Variants in CD4 observed in about 807,000 individuals in gnomAD.
The protein encoded by CD4 is T-cell surface glycoprotein CD4.
A neutral mutation model predicts 50.5 loss-of-function variants in CD4; 25 were observed. That is an observed-to-expected ratio of 0.49 (90% confidence interval 0.36 to 0.69). The LOEUF (loss-of-function observed/expected upper bound fraction) is 0.69, where lower values mean the gene tolerates loss of function less well. CD4 is among the 30% of genes least tolerant of loss of function. The pLI, the probability that CD4 is intolerant of heterozygous loss-of-function variation, is 0.00. For synonymous variants in CD4, 207 were observed against 221.9 expected (o/e 0.93, Z 0.60); for missense variants, 456 against 548.5 (o/e 0.83, Z 1.68).
intron 7 of CD4, among the ~76,000 whole-genome samples, chr12:6,817,961 G>A (rs782512420): frequency 7.3e-5 from 11 of 151,188 alleles, no homozygotes; most frequent in African/African-American, 1.9e-4. Context: ...ATCCGCACAC[G>A]CATTATTCAC....
At position 6,818,335 on chromosome 12, in the gene CD4, C is replaced by A; in HGVS notation, c.1157-86C>A. 1 of 1,540,906 alleles carries A rather than the reference C, an allele frequency of 6.5e-7. No individual in the cohort carries two copies. Among genetic ancestry groups the A allele is most frequent in the Non-Finnish European group, 8.8e-7 (1 of 1,133,918 alleles). On this transcript the variant is annotated intron_variant, in intron 7 of 9. Coordinates refer to ENST00000011653, the MANE Select transcript of CD4 (RefSeq NM_000616.5). This position sits in a 1 kb window ranked among gnomAD's most constrained non-coding sequence, Gnocchi z 5.0. ...CCCAACCCCAGGGTCAAACCAGAGA[C>A]TGGCCAGGAGGGATTGCAGGGCAGT...
In CD4 at chr12:6,816,140, A is replaced by C; in HGVS notation, c.692A>C (p.Lys231Thr). Residue 231 changes from lysine to threonine, a missense_variant, in exon 6 of 10, where the codon AAG (lysine) becomes ACG (threonine). Lys to Thr is a moderately conservative substitution (Grantham distance 78). Transcript: ENST00000011653. The surrounding 1 kb of genome is among the most constrained non-coding windows in gnomAD (Gnocchi z 4.9). ...TTCCCACTCGCCTTTACAGTTGAAA[A>C]GCTGACGGGCAGTGGCGAGCTGTGG... ...FSFPLAFTVE[K>T]LTGSGELWWQ... 6.2e-7 allele frequency: 1 copy of C among 1,614,164 alleles called. No individual in the cohort carries two copies.
At chr12:6,805,583 A>C (rs975312494) in intron 3 of CD4, among the ~76,000 whole-genome samples, 1 of 152,008 alleles carries the variant, frequency 6.6e-6, no homozygotes, top group Non-Finnish European at 1.5e-5. Context: ...AAAAGAAAAA[A>C]GAAAGCATTG....
chr12:6,810,299 A>G (rs1456978566), intron 3 of CD4, among the ~76,000 whole-genome samples: 2 of 152,214 alleles, frequency 1.3e-5, no homozygotes, highest in African/African-American at 4.8e-5. Context: ...TAGCTTTTTC[A>G]AAGTATGGGA....
At chr12:6,793,244 T>G (rs1437461375) in intron 1 of CD4, among the ~76,000 whole-genome samples, 2 of 152,128 alleles carry the variant, frequency 1.3e-5, no homozygotes, top group African/African-American at 4.8e-5. Flanking sequence ...GGTGGCTGTC[T>G]GCACATACCT....
chr12:6,801,465 T>C (rs1555115239), intron 3 of CD4, among the ~76,000 whole-genome samples: 1 of 144,306 alleles, frequency 6.9e-6, no homozygotes, highest in Non-Finnish European at 1.5e-5. Context: ...TGCAGTGAGC[T>C]GAGATTGCAC....
Position 6,818,923 on chromosome 12 carries a change from C to G in CD4, c.1346+9C>G. 5.5e-6 allele frequency: 8 copies of G among 1,453,886 alleles called. No homozygotes were observed. Among genetic ancestry groups the G allele is most frequent in the Non-Finnish European group, 7.6e-6 (8 of 1,056,244 alleles). The allele number at this position is 1,453,886 out of a possible 1,614,324, so 90.1% of individuals were successfully genotyped here. The stretch of plus-strand genomic sequence containing the variant: ...ACCTGCCAGTGTCCTCAGTAAGGAT[C>G]TGGGAGGAGGGGTTGAGAGAGGGGA... On this transcript the variant is annotated intron_variant, in intron 9 of 9. Coordinates refer to ENST00000011653, the MANE Select transcript of CD4 (RefSeq NM_000616.5). This position sits in a 1 kb window ranked among gnomAD's most constrained non-coding sequence, Gnocchi z 5.0.
intron 3 of CD4, among the ~76,000 whole-genome samples, chr12:6,809,823 T>C (rs145679196): frequency 1.3e-5 from 2 of 151,722 alleles, no homozygotes; most frequent in East Asian, 3.9e-4. Flanking sequence ...GTGCTGCCTC[T>C]CTGGAGCTTT....
chr12:6,791,434 G>A (rs979907501), intron 1 of CD4, among the ~76,000 whole-genome samples: 37 of 152,106 alleles, frequency 2.4e-4, no homozygotes, highest in African/African-American at 8.9e-4. Flanking sequence ...GTAGAGACCA[G>A]GTTTCACTAT....
In CD4 at chr12:6,818,081, G is replaced by C. The variant is rs60482491; in HGVS notation, c.1157-340G>C. Among the ~76,000 whole-genome samples, 22,276 of 117,014 alleles carry C rather than the reference G, an allele frequency of 0.19. 3,514 individuals carry two copies. The highest frequency in any genetic ancestry group is 0.46 in the African/African-American group (16,446 of 35,738). 76.8% of individuals were successfully genotyped at this position (117,014 alleles called of 152,430 possible). ...ACACACGCACACACATTCACACATG[G>C]ACTCACACGCGCACACGCGCGCACA... On this transcript the variant is annotated intron_variant, in intron 7 of 9. Coordinates refer to ENST00000011653, the MANE Select transcript of CD4 (RefSeq NM_000616.5). The surrounding 1 kb of genome is among the most constrained non-coding windows in gnomAD (Gnocchi z 5.0).
chr12:6,794,797 T>G (rs1415343386), intron 1 of CD4, among the ~76,000 whole-genome samples: 1 of 142,152 alleles, frequency 7.0e-6, no homozygotes, highest in Non-Finnish European at 1.5e-5. Flanking sequence ...TTTTTTTTTT[T>G]TTTTTGAGAT....
intron 3 of CD4, chr12:6,813,926 G>C (rs11064414): frequency 9.5e-5 from 44 of 463,426 alleles, no homozygotes; most frequent in Non-Finnish European, 1.6e-4. Flanking sequence ...CTCCAAATAA[G>C]GATATGATTT....
intron 1 of CD4, among the ~76,000 whole-genome samples, chr12:6,794,782 T>C (rs1296259654): frequency 7.6e-6 from 1 of 131,620 alleles, no homozygotes; most frequent in Non-Finnish European, 1.6e-5. Flanking sequence ...TCTGTTTTTT[T>C]TTTGTTTTTT....
chr12:6,818,273 C>G lies in CD4; in HGVS notation c.1157-148C>G. 2.3e-6 allele frequency: 2 copies of G among 868,204 alleles called. No homozygotes were observed. The highest frequency in any genetic ancestry group is 3.6e-6 in the Non-Finnish European group (2 of 561,440). The allele number at this position is 868,204 out of a possible 1,614,324, so 53.8% of individuals were successfully genotyped here. A position where few individuals can be genotyped will look rare whatever the true frequency, so the allele number is the denominator to read the frequency against. Reference sequence around the variant, plus strand: ...CATAAAACCGATTCCCCAGCACTGGCGGCCTTTGAGAGCCCCCAGGCACCC... The same window carrying G: ...CATAAAACCGATTCCCCAGCACTGGGGGCCTTTGAGAGCCCCCAGGCACCC... On this transcript the variant is annotated intron_variant, in intron 7 of 9. Coordinates refer to ENST00000011653, the MANE Select transcript of CD4 (RefSeq NM_000616.5). The surrounding 1 kb of genome is among the most constrained non-coding windows in gnomAD (Gnocchi z 5.0).
At chr12:6,806,488 G>T (rs1034741562) in intron 3 of CD4, among the ~76,000 whole-genome samples, 3 of 151,626 alleles carry the variant, frequency 2.0e-5, no homozygotes, top group South Asian at 2.1e-4. Context: ...CAAAAAAGAA[G>T]AATAATAAGA....
intron 1 of CD4, among the ~76,000 whole-genome samples, chr12:6,793,376 C>T (rs1374833808): frequency 6.6e-6 from 1 of 152,134 alleles, no homozygotes; most frequent in African/African-American, 2.4e-5. Context: ...GAAGGGATAT[C>T]GTTTATGGAG....
Position 6,818,557 on chromosome 12 carries a change from A to G in CD4, c.1278+15A>G, listed in dbSNP as rs1555118505. 1.1e-5 allele frequency: 18 copies of G among 1,612,010 alleles called. 1 individual carries two copies. The South Asian group carries it at 1.6e-4, about 15-fold the overall frequency. On this transcript the variant is annotated intron_variant, in intron 8 of 9. Coordinates refer to ENST00000011653, the MANE Select transcript of CD4 (RefSeq NM_000616.5). This position sits in a 1 kb window ranked among gnomAD's most constrained non-coding sequence, Gnocchi z 5.0. ...GGCACCGAAGGGTGAGTAACCCCACACCTGGTCCCCACAAGGCCCTCAAAC... is the reference window on the plus strand; with the variant it reads ...GGCACCGAAGGGTGAGTAACCCCACGCCTGGTCCCCACAAGGCCCTCAAAC...
chr12:6,802,457 C>T (rs1052723963), intron 3 of CD4, among the ~76,000 whole-genome samples: 1 of 151,792 alleles, frequency 6.6e-6, no homozygotes, highest in East Asian at 2.0e-4. Context: ...TACAGGTGCA[C>T]GCCACCATGT....
chr12:6,818,185 A>T lies in CD4; in HGVS notation c.1157-236A>T, dbSNP rs1943154339. 6.6e-6 allele frequency among the ~76,000 whole-genome samples: 1 copy of T among 152,154 alleles called. No individual in the cohort carries two copies. Among genetic ancestry groups the T allele is most frequent in the Non-Finnish European group, 1.5e-5 (1 of 68,008 alleles). On this transcript the variant is annotated intron_variant, in intron 7 of 9. Transcript: ENST00000011653. The surrounding 1 kb of genome is among the most constrained non-coding windows in gnomAD (Gnocchi z 5.0). ...CACACACACATGCACTCACACACAC[A>T]GCCCAGGAGCCAGACCACAGCTTCT...
Sources: gnomAD v4.1 joint callset for allele counts (sites outside exome capture counted in the v4.1 genomes callset) on GRCh38, gnomAD v4.1.1 for gene constraint, Gnocchi (gnomAD v3.1) non-coding constraint, MANE v1.5 for transcripts, NCBI Gene and HGNC (gene_info 2026-07-23, HGNC 2026-07-21) for gene names.